The following TANC2 variants were observed in gnomAD, a reference collection of about 807,000 sequenced individuals.
TANC2 encodes the protein tetratricopeptide repeat, ankyrin repeat and coiled-coil containing 2.
Under a neutral mutation model 210.5 loss-of-function variants are expected in TANC2, and 26 were observed. The observed-to-expected ratio is 0.12, with a 90% CI of 0.09 to 0.17. The LOEUF is 0.17. TANC2 is among the 10% of genes least tolerant of loss of function. The probability of loss-of-function intolerance (pLI) is 1.00; values close to 1 mark genes in which losing one functional copy is unlikely to be tolerated. For synonymous variants in TANC2, 931 were observed against 967.1 expected (o/e 0.96, Z 0.69); for missense variants, 2,129 against 2,608.9 (o/e 0.82, Z 4.01).
intron 4 of TANC2, among the ~76,000 whole-genome samples, chr17:63,131,915 G>A (rs1160691847): frequency 4.3e-4 from 66 of 152,102 alleles, no homozygotes; most frequent in Admixed American, 4.3e-3. Flanking sequence ...TGAGATTTTT[G>A]TCTTTCATAA....
chr17:63,034,452 A>G (rs1270153922), intron 2 of TANC2, among the ~76,000 whole-genome samples: 1 of 152,198 alleles, frequency 6.6e-6, no homozygotes, highest in Non-Finnish European at 1.5e-5. Flanking sequence ...TGCGAACACA[A>G]CATTTATTCT....
At chr17:63,129,975 A>G (rs2038858974) in intron 4 of TANC2, among the ~76,000 whole-genome samples, 1 of 152,164 alleles carries the variant, frequency 6.6e-6, no homozygotes, top group Non-Finnish European at 1.5e-5. Context: ...AAGAACAACT[A>G]TGAGCAAGAA....
intron 2 of TANC2, among the ~76,000 whole-genome samples, chr17:63,035,589 T>G (rs2034939559): frequency 1.3e-5 from 2 of 152,204 alleles, no homozygotes; most frequent in African/African-American, 4.8e-5. Context: ...ATGTATTGTT[T>G]GCTCATTTAT....
At chr17:63,415,275 T>G (rs1481959654) in intron 25 of TANC2, among the ~76,000 whole-genome samples, 1 of 152,262 alleles carries the variant, frequency 6.6e-6, no homozygotes, top group Non-Finnish European at 1.5e-5. Flanking sequence ...GCCTTCCATT[T>G]GCCAAGGCTT....
intron 4 of TANC2, chr17:63,120,813 CAAAAAAAAAAAAA>C (rs58058892): frequency 5.8e-5 from 3 of 51,918 alleles, no homozygotes; most frequent in Non-Finnish European, 7.8e-5. Context: ...GACCCTGTCT[CAAAAAAAAAAAAA>C]AAAAAAAAAA....
intron 9 of TANC2, among the ~76,000 whole-genome samples, chr17:63,274,501 A>C (rs1207561986): frequency 3.9e-5 from 6 of 152,200 alleles, no homozygotes; most frequent in African/African-American, 1.4e-4. Flanking sequence ...AATTTAACTA[A>C]TAAAGTTTTT....
intron 8 of TANC2, among the ~76,000 whole-genome samples, chr17:63,263,376 A>T (rs189145123): frequency 6.8e-4 from 103 of 152,342 alleles, no homozygotes; most frequent in African/African-American, 2.4e-3. Context: ...CATCCTGGCA[A>T]TCTTTATGAT....
At chr17:63,279,540 A>G (rs986117249) in intron 9 of TANC2, among the ~76,000 whole-genome samples, 4 of 152,118 alleles carry the variant, frequency 2.6e-5, no homozygotes, top group Non-Finnish European at 4.4e-5. Flanking sequence ...GAGGTAAATT[A>G]AGATATATAG....
chr17:63,264,197 T>C (rs2043453787), intron 8 of TANC2, among the ~76,000 whole-genome samples: 1 of 152,238 alleles, frequency 6.6e-6, no homozygotes. Flanking sequence ...GTATCACATC[T>C]ACTAATATAC....
At position 63,368,259 on chromosome 17, in the gene TANC2, A is replaced by G. The variant is rs564998976; in HGVS notation, c.2583-11459A>G. 2.0e-5 allele frequency among the ~76,000 whole-genome samples: 3 copies of G among 152,370 alleles called. No individual in the cohort carries two copies. The South Asian group carries it at 6.2e-4, about 32-fold the overall frequency. On this transcript the variant is annotated intron_variant, in intron 14 of 27. Coordinates refer to ENST00000689528, the Ensembl canonical transcript of TANC2. ...GAGGGGCTCTAACATGAGCAAAGGC[A>G]GGAGGAAGAACAGGCTTATGGGGAG...
intron 14 of TANC2, among the ~76,000 whole-genome samples, chr17:63,359,637 C>T (rs1460216521): frequency 1.3e-5 from 2 of 152,226 alleles, no homozygotes; most frequent in East Asian, 1.9e-4. Context: ...CATAAGCCAC[C>T]GTGCCCAGCC....
chr17:63,192,148 TC>T (rs2041207996), intron 5 of TANC2, among the ~76,000 whole-genome samples: 1 of 152,260 alleles, frequency 6.6e-6, no homozygotes, highest in Admixed American at 6.5e-5. Context: ...GTATCGGATT[TC>T]TTTCGTTATA....
chr17:63,421,356 A>C lies in TANC2; in HGVS notation c.5626A>C (p.Thr1876Pro), dbSNP rs758761101. 3.7e-6 allele frequency: 6 copies of C among 1,613,568 alleles called. No homozygotes were observed. In the African/African-American group the frequency reaches 6.7e-5, roughly 18 times the overall value. ...TCCATCTAGCAATAGTATCTCCTCCACCTCCAACCTAACTCCGACCTTCCG... is the reference window on the plus strand; with the variant it reads ...TCCATCTAGCAATAGTATCTCCTCCCCCTCCAACCTAACTCCGACCTTCCG... The change falls in exon 28 of 28, where the codon ACC becomes CCC. Residue 1876 changes from threonine (T) to proline (P), a missense_variant. Physicochemically the swap from Thr to Pro is conservative, Grantham distance 38 (BLOSUM62 -1). Coordinates refer to ENST00000689528, the Ensembl canonical transcript of TANC2. This position sits in a 1 kb window ranked among gnomAD's most constrained non-coding sequence, Gnocchi z 6.9.
chr17:63,100,629 C>A (rs577366678), intron 4 of TANC2, among the ~76,000 whole-genome samples: 1 of 152,196 alleles, frequency 6.6e-6, no homozygotes, highest in African/African-American at 2.4e-5. Context: ...AATCCCAAAT[C>A]TGTTGGCTGT....
chr17:63,023,921 C>A (rs367730142), intron 2 of TANC2, among the ~76,000 whole-genome samples: 1 of 152,140 alleles, frequency 6.6e-6, no homozygotes, highest in Admixed American at 6.5e-5. Context: ...TGTAGCAATT[C>A]TGTAATAGTG....
chr17:63,337,607 A>C (rs896605546), intron 11 of TANC2, among the ~76,000 whole-genome samples: 10 of 142,330 alleles, frequency 7.0e-5, no homozygotes, highest in African/African-American at 2.7e-4. Flanking sequence ...GCTTCTTTCC[A>C]ATCTTTTTTT....
chr17:63,056,168 C>T (rs1449751002), intron 2 of TANC2, among the ~76,000 whole-genome samples: 1 of 119,608 alleles, frequency 8.4e-6, no homozygotes, highest in East Asian at 2.4e-4. Context: ...GAGTGAGACT[C>T]TGTGTTAAAA....
exon 4 of TANC2, chr17:63,099,325 G>T (rs762454495): frequency 1.2e-5 from 19 of 1,549,646 alleles, no homozygotes; most frequent in Non-Finnish European, 5.2e-6. Flanking sequence ...CAGTCTATCA[G>T]TGTTCGGCTC....
chr17:63,073,851 C>A, intron 2 of TANC2, 92 bp from the exon 3 acceptor site: 3 of 1,008,838 alleles, frequency 3.0e-6, no homozygotes, highest in South Asian at 1.7e-5. Flanking sequence ...AATAAATGAT[C>A]GATATAGTAG....
Sources: gnomAD v4.1 joint callset for allele counts (sites outside exome capture counted in the v4.1 genomes callset) on GRCh38, gnomAD v4.1.1 for gene constraint, Gnocchi (gnomAD v3.1) non-coding constraint, MANE v1.5 for transcripts, NCBI Gene and HGNC (gene_info 2026-07-23, HGNC 2026-07-21) for gene names.